The following FAR2 variants were observed in gnomAD, a reference collection of about 807,000 sequenced individuals.
FAR2 encodes the protein epididymis secretory protein Li 81.
A neutral mutation model predicts 56.0 loss-of-function variants in FAR2; 19 were observed. The ratio of observed to expected loss-of-function variants is 0.34; its 90% CI spans 0.24 to 0.50. The LOEUF is 0.50. Among genes scored for constraint, FAR2 ranks in the 20% least tolerant of loss-of-function variants. The pLI is 0.98. For missense variants in FAR2, 508 were observed against 642.2 expected, an observed-to-expected ratio of 0.79 and a Z score of 2.26; for synonymous variants, 219 against 218.8, an observed-to-expected ratio of 1.00 and a Z score of -0.01.
At chr12:29,185,116 C>T (rs763360159) in intron 1 of FAR2, among the ~76,000 whole-genome samples, 77 of 152,278 alleles carry the variant, frequency 5.1e-4, no homozygotes, top group Admixed American at 1.2e-3. Flanking sequence ...CTCAGTAAGA[C>T]ATAATTCTCT....
Position 29,317,022 on chromosome 12 carries a change from T to G in FAR2, c.1127+10T>G, listed in dbSNP as rs1434568327. Reference sequence around the variant, plus strand: ...CTGGAAGGAAGCCCAGGTGAGAAGCTGAGTCAATGGCTTTGAGAGTGTCAC... The same window carrying G: ...CTGGAAGGAAGCCCAGGTGAGAAGCGGAGTCAATGGCTTTGAGAGTGTCAC... On this transcript the variant is annotated intron_variant, in intron 9 of 11. Transcript: ENST00000536681. 5 of 1,609,976 alleles carry G rather than the reference T, an allele frequency of 3.1e-6. No individual in the cohort carries two copies. Among genetic ancestry groups the G allele is most frequent in the Admixed American group, 1.7e-5 (1 of 59,680 alleles).
chr12:29,175,711 TTTGGTGCGTTTTTACAGAGTGCTGA>T (rs1419370024), intron 1 of FAR2, among the ~76,000 whole-genome samples: 2 of 152,152 alleles, frequency 1.3e-5, no homozygotes, highest in Admixed American at 6.5e-5. Context: ...AGAGTGCTGA[TTTGGTGCGTTTTTACAGAGTGCTGA>T]TTGGTGCGTT....
At chr12:29,309,149 T>C in intron 5 of FAR2, 37 bp from the exon 6 acceptor site, 1 of 1,487,936 alleles carries the variant, frequency 6.7e-7, no homozygotes, top group South Asian at 1.1e-5. Context: ...AACAATTTTC[T>C]GAAATGTGTA....
chr12:29,158,960 A>G (rs1430180701), intron 1 of FAR2, among the ~76,000 whole-genome samples: 1 of 152,142 alleles, frequency 6.6e-6, no homozygotes, highest in Non-Finnish European at 1.5e-5. Flanking sequence ...TCATTTATTC[A>G]TTTGTACTAT....
chr12:29,160,066 GAGGAT>G (rs1345067989), intron 1 of FAR2, among the ~76,000 whole-genome samples: 3 of 152,146 alleles, frequency 2.0e-5, no homozygotes, highest in African/African-American at 7.2e-5. Context: ...TGTCTGATGA[GAGGAT>G]TTCTAGCTTT....
chr12:29,167,461 C>G (rs1949840351), intron 1 of FAR2, among the ~76,000 whole-genome samples: 1 of 152,168 alleles, frequency 6.6e-6, no homozygotes, highest in African/African-American at 2.4e-5. Context: ...CTGAACTTCT[C>G]CAGAGGCTTA....
At chr12:29,324,787 G>T (rs868345395) in intron 10 of FAR2, among the ~76,000 whole-genome samples, 1 of 152,178 alleles carries the variant, frequency 6.6e-6, no homozygotes, top group Non-Finnish European at 1.5e-5. Flanking sequence ...ACCAGCCACT[G>T]CAAAAACATG....
intron 10 of FAR2, among the ~76,000 whole-genome samples, chr12:29,322,626 A>C (rs750343833): frequency 6.6e-6 from 1 of 152,204 alleles, no homozygotes; most frequent in Non-Finnish European, 1.5e-5. Flanking sequence ...TGTATATTAT[A>C]CATGTTCCTA....
intron 2 of FAR2, among the ~76,000 whole-genome samples, chr12:29,279,274 T>C (rs1240328001): frequency 6.6e-6 from 1 of 152,230 alleles, no homozygotes; most frequent in African/African-American, 2.4e-5. Context: ...GCCAAGGCCC[T>C]TTCTTCAGTT....
intron 1 of FAR2, among the ~76,000 whole-genome samples, chr12:29,200,944 A>G (rs909253014): frequency 5.9e-5 from 9 of 152,174 alleles, no homozygotes; most frequent in African/African-American, 9.7e-5. Context: ...GCTCGAACAC[A>G]GCTGGACTGG....
intron 2 of FAR2, among the ~76,000 whole-genome samples, chr12:29,289,589 A>G (rs1211511951): frequency 1.3e-5 from 2 of 152,230 alleles, no homozygotes; most frequent in African/African-American, 4.8e-5. Context: ...TGAAACTACT[A>G]CAAGAAAACA....
chr12:29,186,668 A>G (rs1950043339), intron 1 of FAR2, among the ~76,000 whole-genome samples: 1 of 152,066 alleles, frequency 6.6e-6, no homozygotes, highest in South Asian at 2.1e-4. Context: ...CATTTGCCCT[A>G]ATTGCTTTCA....
chr12:29,236,351 G>C lies in FAR2; in HGVS notation c.-38-34061G>C, dbSNP rs550342050. Among the ~76,000 whole-genome samples, 3 of 152,250 alleles carry C rather than the reference G, an allele frequency of 2.0e-5. No homozygotes were observed. In the South Asian group the frequency reaches 6.2e-4, roughly 32 times the overall value. Reference sequence around the variant, plus strand: ...AATTACACCCTAAGCCAAAGAAGGGGAACCAGGATGTGGCTGAGAAAAGGA... The same window carrying C: ...AATTACACCCTAAGCCAAAGAAGGGCAACCAGGATGTGGCTGAGAAAAGGA... On this transcript the variant is annotated intron_variant, in intron 1 of 11. Coordinates refer to ENST00000536681, the MANE Select transcript of FAR2 (RefSeq NM_001271783.2).
At chr12:29,322,750 T>G (rs1319277638) in intron 10 of FAR2, among the ~76,000 whole-genome samples, 2 of 152,212 alleles carry the variant, frequency 1.3e-5, no homozygotes, top group East Asian at 3.9e-4. Flanking sequence ...TTTGTTTTAT[T>G]TTGTACCTGA....
intron 1 of FAR2, among the ~76,000 whole-genome samples, chr12:29,193,567 T>C (rs1391093687): frequency 2.0e-5 from 3 of 152,258 alleles, no homozygotes; most frequent in Non-Finnish European, 4.4e-5. Flanking sequence ...TGTCTTCTCA[T>C]GGCTTGATAG....
chr12:29,169,028 CAG>C (rs1165863649), intron 1 of FAR2, among the ~76,000 whole-genome samples: 1 of 152,146 alleles, frequency 6.6e-6, no homozygotes, highest in Non-Finnish European at 1.5e-5. Context: ...TGCGTTTTTA[CAG>C]AGTGCTGATT....
intron 1 of FAR2, among the ~76,000 whole-genome samples, chr12:29,184,462 T>C (rs1950020245): frequency 7.9e-6 from 1 of 127,322 alleles, no homozygotes; most frequent in Admixed American, 9.4e-5. Flanking sequence ...TGAGATGGAG[T>C]CTCGCCCTGT....
intron 1 of FAR2, among the ~76,000 whole-genome samples, chr12:29,232,898 G>A (rs964960100): frequency 5.9e-5 from 9 of 151,484 alleles, no homozygotes; most frequent in Non-Finnish European, 1.3e-4. Context: ...GCCACACTAT[G>A]GACCTTGTCA....
At chr12:29,227,819 A>T (rs1947793194) in intron 1 of FAR2, among the ~76,000 whole-genome samples, 1 of 152,060 alleles carries the variant, frequency 6.6e-6, no homozygotes, top group African/African-American at 2.4e-5. Flanking sequence ...TTTAGACTTA[A>T]CACTAGAACC....
Sources: gnomAD v4.1 joint callset for allele counts (sites outside exome capture counted in the v4.1 genomes callset) on GRCh38, gnomAD v4.1.1 for gene constraint, MANE v1.5 for transcripts, NCBI Gene and HGNC (gene_info 2026-07-23, HGNC 2026-07-21) for gene names.